NEK7: variants seen among roughly 807,000 people sequenced by gnomAD.
NEK7 encodes the protein NIMA related kinase 7, also known as serine/threonine-protein kinase Nek7.
In NEK7, 18 loss-of-function variants were observed where a neutral mutation model predicts 44.6. The observed-to-expected ratio is 0.40, with a 90% CI of 0.28 to 0.60. NEK7 has a LOEUF of 0.60. Among genes scored for constraint, NEK7 ranks in the 20% least tolerant of loss-of-function variants. The pLI is 0.38. For synonymous variants in NEK7, 130 were observed against 121.1 expected, an observed-to-expected ratio of 1.07 and a Z score of -0.48; for missense variants, 256 against 366.5, an observed-to-expected ratio of 0.70 and a Z score of 2.46.
intron 7 of NEK7, among the ~76,000 whole-genome samples, chr1:198,284,781 T>C (rs1654318100): frequency 6.6e-6 from 1 of 152,196 alleles, no homozygotes; most frequent in African/African-American, 2.4e-5. Context: ...CAATTTTATA[T>C]ATTCCAAATA....
chr1:198,240,404 A>G (rs1199062517), intron 2 of NEK7, among the ~76,000 whole-genome samples: 1 of 151,852 alleles, frequency 6.6e-6, no homozygotes, highest in Middle Eastern at 3.2e-3. Flanking sequence ...GTTCAGAGCG[A>G]TGGGGCAAAG....
chr1:198,233,299 C>A (rs1317129556), intron 2 of NEK7, among the ~76,000 whole-genome samples: 2 of 152,092 alleles, frequency 1.3e-5, no homozygotes, highest in South Asian at 4.1e-4. Context: ...ATAAAAAAAT[C>A]TTTTAGTAAA....
At chr1:198,265,511 CAT>C (rs1439643924) in intron 5 of NEK7, among the ~76,000 whole-genome samples, 5 of 152,106 alleles carry the variant, frequency 3.3e-5, no homozygotes, top group Non-Finnish European at 7.4e-5. Context: ...AGGCTGCTGA[CAT>C]AGAGAAGCTA....
intron 1 of NEK7, among the ~76,000 whole-genome samples, chr1:198,212,754 C>T (rs952745564): frequency 3.9e-5 from 6 of 152,376 alleles, no homozygotes; most frequent in African/African-American, 1.4e-4. Flanking sequence ...AGAAAATCTG[C>T]TGTCACCACT....
chr1:198,274,408 C>T (rs1653953467), intron 5 of NEK7, among the ~76,000 whole-genome samples: 1 of 151,570 alleles, frequency 6.6e-6, no homozygotes. Context: ...ACCCCAAGTG[C>T]CAGACCTGCA....
chr1:198,176,679 A>T (rs1664612040), intron 1 of NEK7, among the ~76,000 whole-genome samples: 1 of 152,064 alleles, frequency 6.6e-6, no homozygotes, highest in African/African-American at 2.4e-5. Context: ...AGTAGCAAGG[A>T]TCATGAGGGT....
chr1:198,160,043 T>C (rs568725869), intron 1 of NEK7, among the ~76,000 whole-genome samples: 27 of 152,316 alleles, frequency 1.8e-4, no homozygotes, highest in Non-Finnish European at 3.7e-4. Flanking sequence ...GCGCATTTAC[T>C]GAAATATAGA....
chr1:198,257,686 A>G (rs2102937542), intron 3 of NEK7, among the ~76,000 whole-genome samples: 1 of 152,322 alleles, frequency 6.6e-6, no homozygotes, highest in East Asian at 1.9e-4. Context: ...GATACAGAAC[A>G]ATTTGGTAAA....
intron 1 of NEK7, among the ~76,000 whole-genome samples, chr1:198,222,317 A>C (rs1666094988): frequency 6.6e-6 from 1 of 152,168 alleles, no homozygotes; most frequent in Non-Finnish European, 1.5e-5. Context: ...TTTAGGTGAT[A>C]AACAACTAAT....
intron 3 of NEK7, chr1:198,256,327 G>A: frequency 1.2e-6 from 2 of 1,601,984 alleles, no homozygotes; most frequent in Non-Finnish European, 1.7e-6. Context: ...TTTTCCTGCA[G>A]GTTTGCCTGT....
chr1:198,310,960 T>G (rs1295591038), intron 9 of NEK7, among the ~76,000 whole-genome samples: 1 of 148,984 alleles, frequency 6.7e-6, no homozygotes, highest in Non-Finnish European at 1.5e-5. Flanking sequence ...AGTAGTTTTT[T>G]CCAATTCTGT....
At chr1:198,184,310 C>T (rs1571509466) in intron 1 of NEK7, among the ~76,000 whole-genome samples, 1 of 152,216 alleles carries the variant, frequency 6.6e-6, no homozygotes, top group East Asian at 1.9e-4. Flanking sequence ...GTTTATGACT[C>T]AGTGCGATTT....
At chr1:198,247,465 T>C (rs1041681372) in intron 2 of NEK7, among the ~76,000 whole-genome samples, 1 of 152,142 alleles carries the variant, frequency 6.6e-6, no homozygotes, top group Non-Finnish European at 1.5e-5. Context: ...AGAATTGAAT[T>C]TGATGGCATT....
chr1:198,270,150 T>G (rs1255517029), intron 5 of NEK7, among the ~76,000 whole-genome samples: 2 of 151,986 alleles, frequency 1.3e-5, no homozygotes, highest in Non-Finnish European at 2.9e-5. Flanking sequence ...TTTTAAAATT[T>G]CAACTTGTCA....
intron 2 of NEK7, among the ~76,000 whole-genome samples, chr1:198,241,097 C>T (rs1375658128): frequency 3.3e-5 from 5 of 152,180 alleles, no homozygotes; most frequent in African/African-American, 1.2e-4. Flanking sequence ...GGTGTAAAAC[C>T]ATAGCCTCCC....
At chr1:198,309,265 T>C (rs1225823868) in intron 9 of NEK7, among the ~76,000 whole-genome samples, 7 of 151,632 alleles carry the variant, frequency 4.6e-5, no homozygotes, top group Non-Finnish European at 7.4e-5. Context: ...AACAAAGATA[T>C]AGGGGCATGA....
intron 1 of NEK7, among the ~76,000 whole-genome samples, chr1:198,205,703 A>G (rs947022582): frequency 6.6e-6 from 1 of 152,130 alleles, no homozygotes; most frequent in Non-Finnish European, 1.5e-5. Context: ...CCTAAGGTAC[A>G]GTCTCAGATT....
chr1:198,165,930 C>T (rs567483875), intron 1 of NEK7, among the ~76,000 whole-genome samples: 2 of 152,378 alleles, frequency 1.3e-5, no homozygotes, highest in African/African-American at 4.8e-5. Flanking sequence ...GCTTCTACTT[C>T]AGCAATTGCT....
At chr1:198,247,043 T>C (rs1353350727) in intron 2 of NEK7, among the ~76,000 whole-genome samples, 2 of 152,232 alleles carry the variant, frequency 1.3e-5, no homozygotes, top group African/African-American at 4.8e-5. Flanking sequence ...ATTGGCTATA[T>C]CTGAGAAGTG....
Sources: gnomAD v4.1 joint callset for allele counts (sites outside exome capture counted in the v4.1 genomes callset) on GRCh38, gnomAD v4.1.1 for gene constraint, MANE v1.5 for transcripts, NCBI Gene and HGNC (gene_info 2026-07-23, HGNC 2026-07-21) for gene names.